Variants in ARHGAP15 observed in about 807,000 individuals in gnomAD.
ARHGAP15 encodes rho GTPase-activating protein 15.
In ARHGAP15, 51 loss-of-function variants were observed where a neutral mutation model predicts 63.7. That is an observed-to-expected ratio of 0.80 (90% CI 0.64 to 1.01). The LOEUF is 1.01. Ranked by LOEUF, ARHGAP15 falls within the 50% of genes least tolerant of loss-of-function variation. The pLI is 0.00. For missense variants in ARHGAP15, 560 were observed against 564.6 expected, an observed-to-expected ratio of 0.99 and a Z score of 0.08; for synonymous variants, 191 against 193.8, an observed-to-expected ratio of 0.99 and a Z score of 0.12.
intron 6 of ARHGAP15, among the ~76,000 whole-genome samples, chr2:143,407,667 C>T (rs1688259500): frequency 6.6e-6 from 1 of 151,682 alleles, no homozygotes; most frequent in Non-Finnish European, 1.5e-5. Flanking sequence ...CCAATATTCT[C>T]TTCAAAATCT....
At chr2:143,328,473 AAACT>A (rs1437353712) in intron 6 of ARHGAP15, among the ~76,000 whole-genome samples, 1 of 152,212 alleles carries the variant, frequency 6.6e-6, no homozygotes, top group Non-Finnish European at 1.5e-5. Flanking sequence ...CATTCTCAGC[AAACT>A]AACACAGGAA....
chr2:143,494,930 G>T (rs963542263), intron 9 of ARHGAP15, among the ~76,000 whole-genome samples: 1 of 152,166 alleles, frequency 6.6e-6, no homozygotes, highest in Admixed American at 6.5e-5. Flanking sequence ...TAAGAAAAAT[G>T]AGGAGAAAAT....
intron 6 of ARHGAP15, among the ~76,000 whole-genome samples, chr2:143,356,356 A>T (rs1326144761): frequency 6.6e-6 from 1 of 152,152 alleles, no homozygotes; most frequent in Non-Finnish European, 1.5e-5. Context: ...AGATGAATTA[A>T]TATAGGTACT....
chr2:143,298,950 A>T (rs1434761765), intron 6 of ARHGAP15, among the ~76,000 whole-genome samples: 1 of 151,956 alleles, frequency 6.6e-6, no homozygotes, highest in Non-Finnish European at 1.5e-5. Flanking sequence ...AGGGTCACGT[A>T]ATGCATGTGT....
At chr2:143,506,884 TCC>T (rs1693349345) in intron 9 of ARHGAP15, among the ~76,000 whole-genome samples, 1 of 152,184 alleles carries the variant, frequency 6.6e-6, no homozygotes, top group Non-Finnish European at 1.5e-5. Flanking sequence ...TAGGGTATTT[TCC>T]TTAAAAAATA....
intron 11 of ARHGAP15, among the ~76,000 whole-genome samples, chr2:143,561,495 T>C (rs952684946): frequency 2.0e-5 from 3 of 149,994 alleles, no homozygotes; most frequent in Non-Finnish European, 4.4e-5. Context: ...ATTTTAGACA[T>C]GTTTTTCTTT....
rs73962400 is a variant in ARHGAP15 at position 143,357,441 on chromosome 2, T to C, written c.475-78160T>C. ...ATAAATACAAAAAAAGAAAATGTGC[T>C]AATGTAGGTGGCTAGAAATCTTAAT... is the stretch of plus-strand genomic sequence containing the variant. On this transcript the variant is annotated intron_variant, in intron 6 of 13. Transcript: ENST00000295095. Among the ~76,000 whole-genome samples the C allele has an allele frequency of 5.3e-3, 805 of 152,278 alleles. 7 individuals are homozygous for C. Among genetic ancestry groups the C allele is most frequent in the African/African-American group, 0.019 (772 of 41,564 alleles).
intron 2 of ARHGAP15, among the ~76,000 whole-genome samples, chr2:143,161,759 T>C (rs1031635274): frequency 1.3e-5 from 2 of 151,958 alleles, no homozygotes; most frequent in African/African-American, 4.8e-5. Flanking sequence ...AGCAAGAAGC[T>C]GTTCTCCCAA....
intron 10 of ARHGAP15, among the ~76,000 whole-genome samples, chr2:143,539,538 C>T (rs887039215): frequency 2.6e-4 from 39 of 152,164 alleles, no homozygotes; most frequent in Admixed American, 7.9e-4. Context: ...TTTCCCCCTA[C>T]GCACTGCTTT....
At chr2:143,541,502 G>T (rs993766302) in intron 10 of ARHGAP15, among the ~76,000 whole-genome samples, 7 of 152,160 alleles carry the variant, frequency 4.6e-5, no homozygotes, top group Non-Finnish European at 1.0e-4. Context: ...CCCCATCTTT[G>T]TGGTTTTATC....
chr2:143,267,189 A>G (rs1681042126), intron 6 of ARHGAP15, among the ~76,000 whole-genome samples: 2 of 152,178 alleles, frequency 1.3e-5, no homozygotes, highest in Admixed American at 6.5e-5. Flanking sequence ...CTACACAACT[A>G]AATATTCAGA....
At chr2:143,559,589 T>C (rs920434992) in intron 11 of ARHGAP15, among the ~76,000 whole-genome samples, 4 of 152,212 alleles carry the variant, frequency 2.6e-5, no homozygotes, top group African/African-American at 9.6e-5. Flanking sequence ...CTTTCAAAAT[T>C]TGCTAATCAG....
intron 6 of ARHGAP15, among the ~76,000 whole-genome samples, chr2:143,342,190 G>A (rs949408186): frequency 5.3e-5 from 8 of 152,074 alleles, no homozygotes; most frequent in Admixed American, 5.3e-4. Flanking sequence ...AAAGTTGAAA[G>A]CTATATCCTA....
chr2:143,734,234 T>C (rs1175362020), intron 13 of ARHGAP15, among the ~76,000 whole-genome samples: 1 of 152,100 alleles, frequency 6.6e-6, no homozygotes, highest in Non-Finnish European at 1.5e-5. Context: ...GTCAATGTGC[T>C]CTCCCAATTT....
At chr2:143,265,673 A>T (rs1166951126) in intron 6 of ARHGAP15, among the ~76,000 whole-genome samples, 3 of 152,166 alleles carry the variant, frequency 2.0e-5, no homozygotes, top group Non-Finnish European at 4.4e-5. Flanking sequence ...AGGATATTCC[A>T]GGCCAATGAT....
chr2:143,500,878 C>T (rs959458835), intron 9 of ARHGAP15, among the ~76,000 whole-genome samples: 1 of 152,090 alleles, frequency 6.6e-6, no homozygotes, highest in African/African-American at 2.4e-5. Context: ...TGTTCAGCTC[C>T]AATTTTGTAA....
At chr2:143,514,410 T>C (rs2104968743) in intron 9 of ARHGAP15, among the ~76,000 whole-genome samples, 1 of 152,344 alleles carries the variant, frequency 6.6e-6, no homozygotes, top group Non-Finnish European at 1.5e-5. Flanking sequence ...GTAATTTTCT[T>C]TGAGACTCCT....
intron 8 of ARHGAP15, among the ~76,000 whole-genome samples, chr2:143,437,834 G>A (rs941378933): frequency 2.0e-5 from 3 of 152,054 alleles, no homozygotes; most frequent in African/African-American, 7.2e-5. Context: ...GATCATCCTG[G>A]TCAACATGGC....
chr2:143,672,579 A>T (rs1025668848), intron 12 of ARHGAP15, among the ~76,000 whole-genome samples: 1 of 152,190 alleles, frequency 6.6e-6, no homozygotes, highest in Non-Finnish European at 1.5e-5. Context: ...TCAATTTAAT[A>T]AAAAGTGGCA....
Sources: gnomAD v4.1 joint callset for allele counts (sites outside exome capture counted in the v4.1 genomes callset) on GRCh38, gnomAD v4.1.1 for gene constraint, MANE v1.5 for transcripts, NCBI Gene and HGNC (gene_info 2026-07-23, HGNC 2026-07-21) for gene names.